BRINP2: variants seen among roughly 807,000 people sequenced by gnomAD.
BRINP2 encodes the protein BMP/retinoic acid inducible neural specific 2, also known as BMP/retinoic acid-inducible neural-specific protein 2.
Under a neutral mutation model 69.2 loss-of-function variants are expected in BRINP2, and 21 were observed. That is an observed-to-expected ratio of 0.30 (90% CI 0.22 to 0.44). The LOEUF (loss-of-function observed/expected upper bound fraction) is 0.44, where lower values mean the gene tolerates loss of function less well. Among genes scored for constraint, BRINP2 ranks in the 20% least tolerant of loss-of-function variants. BRINP2 has a pLI of 1.00. For synonymous variants in BRINP2, 380 were observed against 394.1 expected (o/e 0.96, Z 0.42); for missense variants, 877 against 986.0 (o/e 0.89, Z 1.48).
chr1:177,236,156 C>T (rs1558170676), intron 2 of BRINP2, among the ~76,000 whole-genome samples: 1 of 152,136 alleles, frequency 6.6e-6, no homozygotes, highest in Non-Finnish European at 1.5e-5. Context: ...GCGAAGAGAC[C>T]AGTACTGCCT....
intron 1 of BRINP2, among the ~76,000 whole-genome samples, chr1:177,207,691 A>G (rs1294450845): frequency 6.6e-6 from 1 of 152,196 alleles, no homozygotes; most frequent in Non-Finnish European, 1.5e-5. Context: ...AGTTGCCGAC[A>G]TGGTGGCCGT....
Position 177,197,832 on chromosome 1 carries a change from G to T in BRINP2, c.-77+26100G>T, listed in dbSNP as rs115594937. ...TGTGTTGGATGAAGAGCAGGTGATCGGGTATGAGGATGTGACAAGAATGAA... is the reference window on the plus strand; with the variant it reads ...TGTGTTGGATGAAGAGCAGGTGATCTGGTATGAGGATGTGACAAGAATGAA... On this transcript the variant is annotated intron_variant, in intron 1 of 7. Coordinates refer to ENST00000361539, the MANE Select transcript of BRINP2 (RefSeq NM_021165.4). Among the ~76,000 whole-genome samples the T allele has an allele frequency of 5.8e-3, 878 of 152,250 alleles. 14 individuals are homozygous for T. The highest frequency in any genetic ancestry group is 0.02 in the African/African-American group (833 of 41,536).
chr1:177,174,173 C>T (rs1385458759), intron 1 of BRINP2, among the ~76,000 whole-genome samples: 2 of 152,154 alleles, frequency 1.3e-5, no homozygotes, highest in Non-Finnish European at 2.9e-5. Context: ...CTGCTTTATG[C>T]AGGGTCACAC....
chr1:177,202,456 TGTACCCAATA>T (rs1648943050), intron 1 of BRINP2, among the ~76,000 whole-genome samples: 1 of 152,262 alleles, frequency 6.6e-6, no homozygotes, highest in Non-Finnish European at 1.5e-5. Flanking sequence ...CATTTCATTA[TGTACCCAATA>T]GTCATTTAGG....
rs144596727 is a variant in BRINP2, at chr1:177,274,247, C to T, written c.775+654C>T. 1.1e-4 allele frequency among the ~76,000 whole-genome samples: 17 copies of T among 152,308 alleles called. No homozygotes were observed. The East Asian group carries it at 1.7e-3, about 16-fold the overall frequency. ...CTGGAGGCTGAGGGCTAAGGGGAGA[C>T]GTGCATCTCTTGCTGTCTGTTCCCT... On this transcript the variant is annotated intron_variant, in intron 5 of 7. Transcript: ENST00000361539.
Position 177,273,505 on chromosome 1 carries a change from C to G in BRINP2, c.687C>G (p.Thr229=). 1 of 1,610,978 alleles carries G rather than the reference C, an allele frequency of 6.2e-7. No individual in the cohort carries two copies. The highest frequency in any genetic ancestry group is 2.2e-5 in the East Asian group (1 of 44,668). Reference sequence around the variant, plus strand: ...TTCTCTAGGTCACCGAGACCAGGACCGGTCCTCTGGGCTGCAGCAACTATG... The same window carrying G: ...TTCTCTAGGTCACCGAGACCAGGACGGGTCCTCTGGGCTGCAGCAACTATG... ...TGAIKVTETR[T]GPLGCSNYDN... Residue 229 remains threonine (T), a synonymous_variant, in exon 5 of 8, where the codon ACC becomes ACG. Coordinates refer to ENST00000361539, the MANE Select transcript of BRINP2 (RefSeq NM_021165.4).
intron 1 of BRINP2, among the ~76,000 whole-genome samples, chr1:177,220,133 A>C (rs1649482100): frequency 6.6e-6 from 1 of 152,214 alleles, no homozygotes; most frequent in Non-Finnish European, 1.5e-5. Flanking sequence ...AGGAACTCTA[A>C]GAGAGGGTGC....
intron 1 of BRINP2, among the ~76,000 whole-genome samples, chr1:177,217,711 A>G (rs1334210884): frequency 6.6e-6 from 1 of 152,132 alleles, no homozygotes; most frequent in African/African-American, 2.4e-5. Flanking sequence ...CTGGATGAGT[A>G]ATGATCCTGG....
At chr1:177,249,602 T>G (rs574414718) in intron 2 of BRINP2, among the ~76,000 whole-genome samples, 5 of 152,336 alleles carry the variant, frequency 3.3e-5, no homozygotes, top group African/African-American at 1.2e-4. Flanking sequence ...GATATCTTAA[T>G]TGAAACAAAG....
chr1:177,171,883 T>C (rs1177201643), intron 1 of BRINP2, among the ~76,000 whole-genome samples, 151 bp downstream of exon 1: 1 of 152,126 alleles, frequency 6.6e-6, no homozygotes, highest in Non-Finnish European at 1.5e-5. Flanking sequence ...CCTCTCCTAG[T>C]TTCTGTCTTG....
intron 4 of BRINP2, among the ~76,000 whole-genome samples, chr1:177,266,443 C>A (rs1384988326): frequency 4.6e-5 from 7 of 151,918 alleles, no homozygotes; most frequent in African/African-American, 1.7e-4. Context: ...AATGGCTCCC[C>A]CTCACCCTTT....
At chr1:177,213,962 G>A (rs950725204) in intron 1 of BRINP2, among the ~76,000 whole-genome samples, 2 of 152,168 alleles carry the variant, frequency 1.3e-5, no homozygotes, top group Admixed American at 1.3e-4. Flanking sequence ...CATTTGTCAA[G>A]AATAGTTTAG....
At chr1:177,236,967 A>G (rs1426436950) in intron 2 of BRINP2, among the ~76,000 whole-genome samples, 3 of 152,040 alleles carry the variant, frequency 2.0e-5, no homozygotes, top group Non-Finnish European at 4.4e-5. Flanking sequence ...ATTTTCTAGC[A>G]TTAGGGGTAA....
chr1:177,252,139 G>A (rs773626698), intron 2 of BRINP2, among the ~76,000 whole-genome samples: 13 of 152,162 alleles, frequency 8.5e-5, no homozygotes, highest in Non-Finnish European at 1.8e-4. Flanking sequence ...TGGGGTTTGG[G>A]ATAGAAAATA....
At chr1:177,260,758 T>C (rs1475282113) in intron 4 of BRINP2, among the ~76,000 whole-genome samples, 1 of 152,184 alleles carries the variant, frequency 6.6e-6, no homozygotes, top group Non-Finnish European at 1.5e-5. Flanking sequence ...GGTATGTACA[T>C]TGTTTGTTCA....
chr1:177,241,542 T>C (rs558345190), intron 2 of BRINP2, among the ~76,000 whole-genome samples: 1 of 152,310 alleles, frequency 6.6e-6, no homozygotes, highest in South Asian at 2.1e-4. Context: ...CCACAAGCTG[T>C]CCTTGTTTGT....
chr1:177,255,920 G>C lies in BRINP2; in HGVS notation c.271G>C (p.Glu91Gln), dbSNP rs199806269. The C allele has an allele frequency of 8.7e-5, 140 of 1,613,874 alleles. No homozygotes were observed. Among genetic ancestry groups the C allele is most frequent in the Non-Finnish European group, 1.0e-4 (119 of 1,179,928 alleles). The change falls in exon 3 of 8, where the codon GAG (glutamate) becomes CAG (glutamine). Residue 91 changes from glutamate to glutamine, a missense_variant and splice_region_variant. This residue lies in a region of BRINP2 where 566 missense variants were observed against 625.2 expected (regional missense o/e 0.91). Coordinates refer to ENST00000361539, the MANE Select transcript of BRINP2 (RefSeq NM_021165.4). ...GFTTRYRIYR[E>Q]FARWKVNNLA... is the part of the protein sequence containing the mutation. ...CTTATCCCTTGGCTTTTCCCCCAGG[G>C]AGTTTGCCCGTTGGAAGGTGAACAA...
At chr1:177,259,430 C>T (rs926168105) in intron 4 of BRINP2, among the ~76,000 whole-genome samples, 1 of 152,204 alleles carries the variant, frequency 6.6e-6, no homozygotes, top group African/African-American at 2.4e-5. Flanking sequence ...TTAGAAGCTG[C>T]AGCAGGTTAT....
intron 1 of BRINP2, among the ~76,000 whole-genome samples, chr1:177,178,712 C>T (rs770712158): frequency 6.6e-6 from 1 of 152,022 alleles, no homozygotes; most frequent in Non-Finnish European, 1.5e-5. Flanking sequence ...GGGCTGGGAT[C>T]GAGGCTCGAA....
Sources: gnomAD v4.1 joint callset for allele counts (sites outside exome capture counted in the v4.1 genomes callset) on GRCh38, gnomAD v4.1.1 for gene constraint, gnomAD v4.1.1 regional missense constraint, MANE v1.5 for transcripts, NCBI Gene and HGNC (gene_info 2026-07-23, HGNC 2026-07-21) for gene names.